CSMD1: variants seen among roughly 807,000 people sequenced by gnomAD.
CSMD1 encodes CUB and sushi domain-containing protein 1.
A neutral mutation model predicts 417.5 loss-of-function variants in CSMD1; 213 were observed. That is an observed-to-expected ratio of 0.51 (90% CI 0.46 to 0.57). The LOEUF (loss-of-function observed/expected upper bound fraction) is 0.57, where lower values mean the gene tolerates loss of function less well. CSMD1 is among the 20% of genes least tolerant of loss of function. The pLI is 0.00. For missense variants in CSMD1, 6,923 were observed against 4,529.7 expected (o/e 1.53, Z -15.17); for synonymous variants, 2,862 against 1,736.8 (o/e 1.65, Z -16.11).
At chr8:4,993,487 G>T (rs1475821782) in intron 1 of CSMD1, among the ~76,000 whole-genome samples, 2 of 151,734 alleles carry the variant, frequency 1.3e-5, no homozygotes, top group Non-Finnish European at 2.9e-5. Context: ...CCTTGAGGTC[G>T]CAGCCTGTAG....
At chr8:3,465,555 G>C (rs907632105) in intron 12 of CSMD1, among the ~76,000 whole-genome samples, 1 of 152,108 alleles carries the variant, frequency 6.6e-6, no homozygotes, top group African/African-American at 2.4e-5. Context: ...TTTTCTCAGA[G>C]ACAACAGTGC....
At chr8:4,453,628 T>C (rs73660854) in intron 2 of CSMD1, among the ~76,000 whole-genome samples, 28 of 152,000 alleles carry the variant, frequency 1.8e-4, no homozygotes, top group Admixed American at 1.7e-3. Context: ...GAGAAATGTA[T>C]AGAACTGGCA....
Position 4,214,985 on chromosome 8 carries a change from G to C in CSMD1, c.416-182886C>G, listed in dbSNP as rs547033400. Among the ~76,000 whole-genome samples, 50 of 152,236 alleles carry C rather than the reference G, an allele frequency of 3.3e-4. No individual in the cohort carries two copies. In the South Asian group the frequency reaches 1.0e-2, roughly 30 times the overall value. ...GTGAGATACAGGCACAGCTTACTCT[G>C]TCAGGATTACTGAGAAAGTCAAGTT... On this transcript the variant is annotated intron_variant, in intron 3 of 69. Transcript: ENST00000635120.
intron 5 of CSMD1, 54 bp downstream of exon 5, chr8:3,997,847 GAA>G (rs11303985): frequency 2.0e-6 from 3 of 1,481,320 alleles, no homozygotes; most frequent in Admixed American, 1.9e-5. Context: ...CTCGTTGGGG[GAA>G]AAAACGGGGA....
At chr8:4,142,327 T>A (rs190014553) in intron 3 of CSMD1, among the ~76,000 whole-genome samples, 1 of 151,132 alleles carries the variant, frequency 6.6e-6, no homozygotes, top group South Asian at 2.1e-4. Flanking sequence ...TCCACCTCAT[T>A]AGCCTACTCT....
chr8:3,050,105 T>TAAAAAA (rs11402129), intron 50 of CSMD1, among the ~76,000 whole-genome samples: 1 of 140,560 alleles, frequency 7.1e-6, no homozygotes, highest in Non-Finnish European at 1.5e-5. Context: ...CTAGAGAACT[T>TAAAAAA]AAAAAAAAAA....
chr8:4,668,091 C>T (rs1016200293), intron 1 of CSMD1, among the ~76,000 whole-genome samples: 1 of 152,080 alleles, frequency 6.6e-6, no homozygotes, highest in South Asian at 2.1e-4. Context: ...CTTATTCTAC[C>T]TTGCACGTGT....
chr8:4,093,916 C>A (rs150013312), intron 3 of CSMD1, among the ~76,000 whole-genome samples: 1 of 151,794 alleles, frequency 6.6e-6, no homozygotes, highest in Non-Finnish European at 1.5e-5. Context: ...GCCCAGATTG[C>A]GCCATTACGC....
intron 18 of CSMD1, among the ~76,000 whole-genome samples, chr8:3,370,947 G>T (rs539088559): frequency 6.6e-6 from 1 of 151,792 alleles, no homozygotes; most frequent in Non-Finnish European, 1.5e-5. Flanking sequence ...TTGCACTCCA[G>T]CCTGGGGCAA....
chr8:3,960,008 G>A (rs1377503197), intron 5 of CSMD1, among the ~76,000 whole-genome samples: 3 of 152,184 alleles, frequency 2.0e-5, no homozygotes, highest in South Asian at 2.1e-4. Flanking sequence ...TGTGCGTGAA[G>A]CTATTTCAAG....
intron 5 of CSMD1, among the ~76,000 whole-genome samples, chr8:3,877,650 C>G (rs917961227): frequency 3.1e-4 from 47 of 150,376 alleles, no homozygotes; most frequent in African/African-American, 1.2e-3. Context: ...AGTAGAATGT[C>G]TATTTTCCCC....
intron 2 of CSMD1, among the ~76,000 whole-genome samples, chr8:4,447,418 T>C (rs1662574757): frequency 6.6e-6 from 1 of 152,340 alleles, no homozygotes; most frequent in East Asian, 1.9e-4. Flanking sequence ...CTGAAGTGGA[T>C]GGCATTTGTC....
At chr8:3,990,944 C>G (rs937111263) in intron 5 of CSMD1, among the ~76,000 whole-genome samples, 1 of 152,198 alleles carries the variant, frequency 6.6e-6, no homozygotes, top group African/African-American at 2.4e-5. Context: ...AGCATCATCT[C>G]TAGATGATGC....
At chr8:4,798,364 G>C (rs1338236688) in intron 1 of CSMD1, among the ~76,000 whole-genome samples, 1 of 152,072 alleles carries the variant, frequency 6.6e-6, no homozygotes, top group African/African-American at 2.4e-5. Context: ...TGGCTGCATA[G>C]TATTCCATGG....
intron 2 of CSMD1, among the ~76,000 whole-genome samples, chr8:4,582,463 T>C (rs1235823523): frequency 1.3e-5 from 2 of 151,998 alleles, no homozygotes; most frequent in African/African-American, 2.4e-5. Context: ...GTGAGCCCAA[T>C]ACAGATCCAC....
intron 5 of CSMD1, among the ~76,000 whole-genome samples, chr8:3,836,836 A>T (rs1490377131): frequency 6.6e-6 from 1 of 152,188 alleles, no homozygotes; most frequent in Non-Finnish European, 1.5e-5. Flanking sequence ...TCAATTAAAT[A>T]TGTTAATATT....
intron 7 of CSMD1, among the ~76,000 whole-genome samples, chr8:3,679,112 GA>G (rs1799524745): frequency 1.3e-5 from 2 of 152,086 alleles, no homozygotes; most frequent in African/African-American, 4.8e-5. Flanking sequence ...AGGCTAGGAA[GA>G]AAACTGTATC....
At chr8:4,515,007 C>T (rs1803038871) in intron 2 of CSMD1, among the ~76,000 whole-genome samples, 1 of 152,184 alleles carries the variant, frequency 6.6e-6, no homozygotes, top group African/African-American at 2.4e-5. Context: ...ATTTCCATGG[C>T]AGCTTTCCAT....
At chr8:3,830,354 G>T (rs1192211324) in intron 5 of CSMD1, among the ~76,000 whole-genome samples, 1 of 152,190 alleles carries the variant, frequency 6.6e-6, no homozygotes, top group Non-Finnish European at 1.5e-5. Flanking sequence ...TCACATCTCT[G>T]CTCAGAGGTT....
Sources: allele counts gnomAD v4.1 joint callset (sites outside exome capture counted in the v4.1 genomes callset), GRCh38; gene constraint gnomAD v4.1.1; transcripts MANE v1.5; gene names NCBI Gene and HGNC (gene_info 2026-07-23, HGNC 2026-07-21).